DCP2: variants seen among roughly 807,000 people sequenced by gnomAD.
The protein encoded by DCP2 is m7GpppN-mRNA hydrolase.
A neutral mutation model predicts 56.1 loss-of-function variants in DCP2; 30 were observed. The observed-to-expected ratio is 0.53, with a 90% confidence interval of 0.40 to 0.73. The LOEUF is 0.73. Ranked by LOEUF, DCP2 falls within the 30% of genes least tolerant of loss-of-function variation. The pLI is 0.00. For missense variants in DCP2, 533 were observed against 502.7 expected (o/e 1.06, Z -0.58); for synonymous variants, 197 against 163.3 (o/e 1.21, Z -1.57).
At chr5:112,993,208 A>T (rs1471631177) in intron 4 of DCP2, among the ~76,000 whole-genome samples, 1 of 152,188 alleles carries the variant, frequency 6.6e-6, no homozygotes, top group East Asian at 1.9e-4. Flanking sequence ...ATAAAGTTTA[A>T]TTCTTTAAGT....
At chr5:112,988,551 A>G (rs543034455) in intron 2 of DCP2, among the ~76,000 whole-genome samples, 1 of 151,658 alleles carries the variant, frequency 6.6e-6, no homozygotes, top group Admixed American at 6.6e-5. Flanking sequence ...GGTCTGTTAC[A>G]TCACTTGACG....
chr5:113,013,626 G>T lies in DCP2; in HGVS notation c.*142G>T, dbSNP rs772858074. ...CTGAAGACATTTTCTGTTTATAAGA[G>T]AGTAGAAAGAAACACGAGTTTGCAC... On this transcript the variant is annotated 3_prime_UTR_variant, in exon 11 of 11. Coordinates refer to ENST00000389063, the MANE Select transcript of DCP2 (RefSeq NM_152624.6). 101 of 1,009,440 alleles carry T rather than the reference G, an allele frequency of 1.0e-4. No homozygotes were observed. Among genetic ancestry groups the T allele is most frequent in the Non-Finnish European group, 1.4e-4 (94 of 693,598 alleles). 62.5% of individuals were successfully genotyped at this position (1,009,440 alleles called of 1,614,324 possible).
rs1491586797 is a variant in DCP2 at position 112,986,340 on chromosome 5, T to TC, written c.205+355dup. Among the ~76,000 whole-genome samples, 4 of 139,176 alleles carry TC rather than the reference T, an allele frequency of 2.9e-5. No homozygotes were observed. The South Asian group carries it at 8.5e-4, about 30-fold the overall frequency. The allele number at this position is 139,176 out of a possible 152,430, so 91.3% of individuals were successfully genotyped here. ...TTTCTGATTTATTTAGAATTTTTTT[T>TC]CTTTTTTTTTTTTAAGAGACAGGAT... On this transcript the variant is annotated intron_variant, in intron 2 of 10. Coordinates refer to ENST00000389063, the MANE Select transcript of DCP2 (RefSeq NM_152624.6).
chr5:113,005,668 T>C (rs530753079), intron 8 of DCP2, among the ~76,000 whole-genome samples: 4 of 152,144 alleles, frequency 2.6e-5, no homozygotes, highest in African/African-American at 9.7e-5. Context: ...TCCAAAAGAA[T>C]TGAAAGCAGG....
chr5:112,993,486 C>A (rs1176239173), intron 4 of DCP2, among the ~76,000 whole-genome samples: 2 of 151,874 alleles, frequency 1.3e-5, no homozygotes, highest in African/African-American at 2.4e-5. Flanking sequence ...ATTAGCTGGG[C>A]GTGGTGGTAC....
Position 113,001,444 on chromosome 5 carries a change from T to A in DCP2, c.673T>A (p.Phe225Ile). 6.2e-7 allele frequency: 1 copy of A among 1,613,852 alleles called. No homozygotes were observed. Among genetic ancestry groups the A allele is most frequent in the South Asian group, 1.1e-5 (1 of 90,992 alleles). The stretch of plus-strand genomic sequence containing the variant: ...CAAACTTGGTTTGGCACCTAACAAA[T>A]TTTTTATGGCCATTCCCTTTATCAG... ...KSKLGLAPNK[F>I]FMAIPFIRPL... is the part of the protein sequence containing the mutation. The change falls in exon 6 of 11, where the codon TTT (phenylalanine) becomes ATT (isoleucine). Residue 225 changes from phenylalanine (F) to isoleucine (I), a missense_variant. Physicochemically the swap from Phe to Ile is conservative, Grantham distance 21. Coordinates refer to ENST00000389063, the MANE Select transcript of DCP2 (RefSeq NM_152624.6).
intron 4 of DCP2, among the ~76,000 whole-genome samples, chr5:112,995,969 C>T (rs1170168491): frequency 1.3e-5 from 2 of 152,170 alleles, no homozygotes; most frequent in African/African-American, 2.4e-5. Flanking sequence ...AGAGAGAGAT[C>T]TGGTGTCTCT....
At chr5:112,983,094 G>C (rs990652452) in intron 1 of DCP2, among the ~76,000 whole-genome samples, 1 of 152,202 alleles carries the variant, frequency 6.6e-6, no homozygotes, top group African/African-American at 2.4e-5. Flanking sequence ...CCATCACACA[G>C]ACTGCCATGC....
At position 113,014,530 on chromosome 5, in the gene DCP2, G is replaced by C. The variant is rs1029284798; in HGVS notation, c.*1046G>C. On this transcript the variant is annotated 3_prime_UTR_variant, in exon 11 of 11. Transcript: ENST00000389063. ...AAGTCCAAATAAAGCATTTCACTAG[G>C]TTACACGTTATGTATATGTGTTACA... 1.3e-5 allele frequency: 2 copies of C among 152,538 alleles called. No homozygotes were observed. Among genetic ancestry groups the C allele is most frequent in the Admixed American group, 6.5e-5 (1 of 15,272 alleles). 9.4% of individuals were successfully genotyped at this position (152,538 alleles called of 1,614,324 possible).
At chr5:113,006,117 CAA>C (rs75106280) in intron 8 of DCP2, among the ~76,000 whole-genome samples, 29 of 62,424 alleles carry the variant, frequency 4.6e-4, no homozygotes, top group Admixed American at 5.7e-4. Context: ...ACCCTATCTC[CAA>C]AAAAAAAAAA....
At chr5:112,997,503 T>A (rs1402632590) in intron 4 of DCP2, among the ~76,000 whole-genome samples, 1 of 152,216 alleles carries the variant, frequency 6.6e-6, no homozygotes, top group African/African-American at 2.4e-5. Flanking sequence ...CAACTATTGG[T>A]CAGTTTATTC....
At chr5:113,000,418 A>ACACACC (rs1580819753) in intron 4 of DCP2, among the ~76,000 whole-genome samples, 1 of 102,240 alleles carries the variant, frequency 9.8e-6, no homozygotes, top group African/African-American at 3.6e-5. Context: ...ACACACACAC[A>ACACACC]CACACACCCA....
rs1452433082 is a variant in DCP2 at position 113,015,981 on chromosome 5, T to G, written c.*2497T>G. The G allele has an allele frequency of 6.6e-6, 1 of 152,668 alleles. No homozygotes were observed. Among genetic ancestry groups the G allele is most frequent in the African/African-American group, 2.4e-5 (1 of 41,456 alleles). The allele number at this position is 152,668 out of a possible 1,614,324, so 9.5% of individuals were successfully genotyped here. A position where few individuals can be genotyped will look rare whatever the true frequency, so the allele number is the denominator to read the frequency against. The stretch of plus-strand genomic sequence containing the variant: ...AGAAGAGTAGTTGGTTTTGCTTCAT[T>G]ATGTTTTATGTCTTTGAGAGAGATA... On this transcript the variant is annotated 3_prime_UTR_variant, in exon 11 of 11. Transcript: ENST00000389063.
chr5:113,009,921 C>CTT lies in DCP2; in HGVS notation c.1048-822_1048-821dup, dbSNP rs564861668. ...AATGTAATGAATAATCTTTTTTTTC[C>CTT]TTTTTTTTTTTTTTGAGACAGGGTC... On this transcript the variant is annotated intron_variant, in intron 9 of 10. Transcript: ENST00000389063. 4.6e-4 allele frequency among the ~76,000 whole-genome samples: 63 copies of CTT among 136,134 alleles called. 1 individual carries two copies. The highest frequency in any genetic ancestry group is 5.1e-4 in the Non-Finnish European group (32 of 62,842). The allele number at this position is 136,134 out of a possible 152,430, so 89.3% of individuals were successfully genotyped here.
Position 113,014,665 on chromosome 5 carries a change from G to C in DCP2, c.*1181G>C, listed in dbSNP as rs1156477906. 1 of 152,644 alleles carries C rather than the reference G, an allele frequency of 6.6e-6. No homozygotes were observed. The highest frequency in any genetic ancestry group is 1.5e-5 in the Non-Finnish European group (1 of 68,056). 9.5% of individuals were successfully genotyped at this position (152,644 alleles called of 1,614,324 possible). A position where few individuals can be genotyped will look rare whatever the true frequency, so the allele number is the denominator to read the frequency against. ...TAAGGAGGATTTCAGCTATAACTGA[G>C]GACAATCACCAGGGCGTTAAGGGGG... On this transcript the variant is annotated 3_prime_UTR_variant, in exon 11 of 11. Transcript: ENST00000389063.
intron 4 of DCP2, among the ~76,000 whole-genome samples, chr5:113,000,390 CTTGTCTAAT>C (rs1561697474): frequency 1.2e-4 from 15 of 124,810 alleles, no homozygotes; most frequent in African/African-American, 5.2e-4. Context: ...AGTGCAATTA[CTTGTCTAAT>C]ACACACACAC....
rs1390914330 is a variant in DCP2 at position 113,016,618 on chromosome 5, A to G, written c.*3134A>G. The G allele has an allele frequency of 2.0e-5, 3 of 152,274 alleles. No individual in the cohort carries two copies. The highest frequency in any genetic ancestry group is 3.9e-4 in the East Asian group (2 of 5,190). The allele number at this position is 152,274 out of a possible 1,614,324, so 9.4% of individuals were successfully genotyped here. On this transcript the variant is annotated 3_prime_UTR_variant, in exon 11 of 11. Transcript: ENST00000389063. ...TCTGAGTAAATAACAGCCTCCTACT[A>G]TAGGAATTAGATTCTTCTATAAAAG...
intron 1 of DCP2, chr5:112,984,695 A>ATATAT (rs1332407058): frequency 4.0e-5 from 3 of 75,748 alleles, no homozygotes; most frequent in Admixed American, 1.2e-4. Context: ...TTAAAAAAAA[A>ATATAT]AAAAAAAAAT....
At chr5:112,979,295 A>T (rs1424852413) in intron 1 of DCP2, among the ~76,000 whole-genome samples, 1 of 152,198 alleles carries the variant, frequency 6.6e-6, no homozygotes, top group Admixed American at 6.5e-5. Flanking sequence ...AAAACTTCAG[A>T]TTTTAAAATA....
Sources: allele counts gnomAD v4.1 joint callset (sites outside exome capture counted in the v4.1 genomes callset), GRCh38; gene constraint gnomAD v4.1.1; transcripts MANE v1.5; gene names NCBI Gene and HGNC (gene_info 2026-07-23, HGNC 2026-07-21).